PSD2: variants seen among roughly 807,000 people sequenced by gnomAD.
The protein encoded by PSD2 is pleckstrin and Sec7 domain containing 2, also known as PH and SEC7 domain-containing protein 2.
PSD2 carries 38 observed loss-of-function variants against 69.8 expected under a neutral mutation model. The observed-to-expected ratio is 0.54, with a 90% confidence interval of 0.42 to 0.71. PSD2 has a LOEUF of 0.71. Ranked by LOEUF, PSD2 falls within the 30% of genes least tolerant of loss-of-function variation. The probability of loss-of-function intolerance (pLI) is 0.00; values close to 1 mark genes in which losing one functional copy is unlikely to be tolerated. For synonymous variants in PSD2, 412 were observed against 423.0 expected, an observed-to-expected ratio of 0.97 and a Z score of 0.32; for missense variants, 943 against 1,014.5, an observed-to-expected ratio of 0.93 and a Z score of 0.96.
chr5:139,745,470 T>C, the PSD2 span, among the ~76,000 whole-genome samples: 1 of 152,172 alleles, frequency 6.6e-6, no homozygotes, highest in Non-Finnish European at 1.5e-5. Flanking sequence ...GCCAGGAGAC[T>C]GGGCAGGATT....
In PSD2 at chr5:139,809,571, G is replaced by T; in HGVS notation, c.131G>T (p.Cys44Phe). 2 of 1,614,116 alleles carry T rather than the reference G, an allele frequency of 1.2e-6. No individual in the cohort carries two copies. The highest frequency in any genetic ancestry group is 1.7e-6 in the Non-Finnish European group (2 of 1,179,948). ...MASEGLNSSLCSPGHERRGTP... is the reference protein window; with the variant it reads ...MASEGLNSSLFSPGHERRGTP... ...AGTGAGGGCCTGAACAGCAGCCTCT[G>T]CAGCCCAGGGCACGAGCGAAGGGGC... The change falls in exon 2 of 15, where the codon TGC (cysteine) becomes TTC (phenylalanine). Residue 44 changes from cysteine (C) to phenylalanine (F), a missense_variant. Coordinates refer to ENST00000274710, the MANE Select transcript of PSD2 (RefSeq NM_032289.4).
the PSD2 span, among the ~76,000 whole-genome samples, chr5:139,788,520 G>T: frequency 2.0e-5 from 3 of 151,772 alleles, no homozygotes; most frequent in Admixed American, 2.0e-4. Flanking sequence ...GTAGAGACTG[G>T]GGGGGGCACA....
intron 4 of PSD2, among the ~76,000 whole-genome samples, chr5:139,816,194 A>C (rs980295635): frequency 6.6e-6 from 1 of 152,134 alleles, no homozygotes; most frequent in African/African-American, 2.4e-5. Context: ...TTGATTTATA[A>C]ATACTTTAGT....
rs373040633 is a variant in PSD2 at position 139,839,924 on chromosome 5, C to T, written c.1969-103C>T. 1.5e-6 allele frequency: 2 copies of T among 1,322,844 alleles called. No individual in the cohort carries two copies. The highest frequency in any genetic ancestry group is 2.7e-5 in the South Asian group (2 of 75,014). The allele number at this position is 1,322,844 out of a possible 1,614,324, so 81.9% of individuals were successfully genotyped here. A position where few individuals can be genotyped will look rare whatever the true frequency, so the allele number is the denominator to read the frequency against. ...CCACATTTTGGTGATGCTGGCTAGGCCTTCATTTCCCTTTGGTGGAGCAGC... is the reference window on the plus strand; with the variant it reads ...CCACATTTTGGTGATGCTGGCTAGGTCTTCATTTCCCTTTGGTGGAGCAGC... On this transcript the variant is annotated intron_variant, in intron 13 of 14. Transcript: ENST00000274710. The surrounding 1 kb of genome is among the most constrained non-coding windows in gnomAD (Gnocchi z 5.1).
At position 139,842,662 on chromosome 5, in the gene PSD2, A is replaced by G. The variant is rs1361426751; in HGVS notation, c.*188A>G. 3.4e-6 allele frequency: 2 copies of G among 590,728 alleles called. No individual in the cohort carries two copies. The highest frequency in any genetic ancestry group is 6.0e-6 in the Non-Finnish European group (2 of 332,958). 36.6% of individuals were successfully genotyped at this position (590,728 alleles called of 1,614,324 possible). ...CGTTGATCTCCTTGCGTCCTTGGGCATCTCCGGGCATCAGACCCTCTCCCT... is the reference window on the plus strand; with the variant it reads ...CGTTGATCTCCTTGCGTCCTTGGGCGTCTCCGGGCATCAGACCCTCTCCCT... On this transcript the variant is annotated 3_prime_UTR_variant, in exon 15 of 15. Transcript: ENST00000274710.
chr5:139,771,630 G>A, the PSD2 span, among the ~76,000 whole-genome samples: 377 of 152,102 alleles, frequency 2.5e-3, 2 homozygotes, highest in Non-Finnish European at 3.3e-3. Context: ...CGCCCACCTC[G>A]GCCTCCCAAA....
At chr5:139,830,562 C>CT (rs1393287088) in intron 7 of PSD2, among the ~76,000 whole-genome samples, 8 of 136,436 alleles carry the variant, frequency 5.9e-5, no homozygotes, top group African/African-American at 9.4e-5. Context: ...TCCTTCCTTC[C>CT]TTCCTTTCTT....
the PSD2 span, among the ~76,000 whole-genome samples, chr5:139,758,711 G>A: frequency 1.3e-5 from 2 of 152,156 alleles, no homozygotes; most frequent in Admixed American, 6.5e-5. Flanking sequence ...CAGGGTTTGG[G>A]GGCTTTGTAT....
intron 7 of PSD2, among the ~76,000 whole-genome samples, chr5:139,824,546 G>A (rs1299062106): frequency 1.3e-5 from 2 of 151,932 alleles, no homozygotes; most frequent in Non-Finnish European, 2.9e-5. Context: ...ACAGGCACCT[G>A]CCACCACGCC....
chr5:139,804,841 G>A (rs1003534089), intron 1 of PSD2, among the ~76,000 whole-genome samples: 6 of 152,238 alleles, frequency 3.9e-5, no homozygotes, highest in East Asian at 3.9e-4. Context: ...CCTCATGAGC[G>A]GCTGCCCAGT....
intron 5 of PSD2, among the ~76,000 whole-genome samples, chr5:139,818,405 G>C (rs1471678558): frequency 1.3e-5 from 2 of 152,052 alleles, no homozygotes; most frequent in African/African-American, 4.8e-5. Flanking sequence ...AATTAGCCAG[G>C]TATGGTGGTG....
chr5:139,786,992 G>A, the PSD2 span, among the ~76,000 whole-genome samples: 2 of 152,044 alleles, frequency 1.3e-5, no homozygotes, highest in Non-Finnish European at 2.9e-5. Context: ...TCTGTCACTC[G>A]CACAACCACT....
At chr5:139,786,029 C>T in the PSD2 span, among the ~76,000 whole-genome samples, 1 of 151,718 alleles carries the variant, frequency 6.6e-6, no homozygotes, top group Non-Finnish European at 1.5e-5. Flanking sequence ...TTTGAGGTTA[C>T]AGTGAGCTGT....
the PSD2 span, among the ~76,000 whole-genome samples, chr5:139,786,940 A>C: frequency 6.6e-6 from 1 of 152,112 alleles, no homozygotes; most frequent in African/African-American, 2.4e-5. Flanking sequence ...TTGACTTTCC[A>C]TTTAGAGAAA....
At chr5:139,787,685 G>C in the PSD2 span, among the ~76,000 whole-genome samples, 3 of 152,256 alleles carry the variant, frequency 2.0e-5, no homozygotes, top group African/African-American at 7.2e-5. Flanking sequence ...AGGGCCGGGA[G>C]GGGCTGGGCT....
chr5:139,793,653 C>T (rs118023811), upstream of PSD2, among the ~76,000 whole-genome samples: 117 of 152,310 alleles, frequency 7.7e-4, 4 homozygotes, highest in East Asian at 0.021. Context: ...TTTATTAAGC[C>T]ATGCTGAGTG....
intron 1 of PSD2, among the ~76,000 whole-genome samples, chr5:139,802,347 G>C (rs990538672): frequency 2.0e-5 from 3 of 152,114 alleles, no homozygotes; most frequent in Non-Finnish European, 4.4e-5. Flanking sequence ...TGTTGAAGCA[G>C]ACTGTGGGGA....
At chr5:139,766,942 TTTC>T in the PSD2 span, among the ~76,000 whole-genome samples, 2 of 116,066 alleles carry the variant, frequency 1.7e-5, no homozygotes, top group African/African-American at 7.2e-5. Context: ...TCTTTCTTTC[TTTC>T]TTTCTTTCTT....
chr5:139,842,369 A>T lies in PSD2; in HGVS notation c.2211A>T (p.Glu737Asp). 1.2e-6 allele frequency: 2 copies of T among 1,614,214 alleles called. No homozygotes were observed. Among genetic ancestry groups the T allele is most frequent in the Non-Finnish European group, 1.7e-6 (2 of 1,180,034 alleles). Residue 737 changes from glutamate to aspartate, a missense_variant, in exon 15 of 15, where the codon GAA becomes GAT. By Grantham distance (45) the Glu-to-Asp change is conservative (BLOSUM62 2). Coordinates refer to ENST00000274710, the MANE Select transcript of PSD2 (RefSeq NM_032289.4). ...ERIEARLATL[E>D]GDDPSLRKTH... ...TTGAGGCCCGGCTGGCCACTCTGGA[A>T]GGGGATGACCCTTCTCTCCGGAAGA... is the stretch of plus-strand genomic sequence containing the variant.
Sources: allele counts gnomAD v4.1 joint callset (sites outside exome capture counted in the v4.1 genomes callset), GRCh38; gene constraint gnomAD v4.1.1; non-coding constraint Gnocchi (gnomAD v3.1); transcripts MANE v1.5; gene names NCBI Gene and HGNC (gene_info 2026-07-23, HGNC 2026-07-21).